TENM2: variants seen among roughly 807,000 people sequenced by gnomAD.
The protein encoded by TENM2 is teneurin transmembrane protein 2, also known as teneurin-2.
In TENM2, 52 loss-of-function variants were observed where a neutral mutation model predicts 245.2. The observed-to-expected ratio is 0.21, with a 90% CI of 0.17 to 0.27. The LOEUF (loss-of-function observed/expected upper bound fraction) is 0.27. Ranked by LOEUF, TENM2 falls within the 10% of genes least tolerant of loss-of-function variation. TENM2 has a pLI of 1.00. For synonymous variants in TENM2, 1,363 were observed against 1,438.9 expected (o/e 0.95, Z 1.19); for missense variants, 3,046 against 3,666.8 (o/e 0.83, Z 4.37).
At chr5:167,634,326 T>C (rs1477638573) in intron 2 of TENM2, among the ~76,000 whole-genome samples, 1 of 152,200 alleles carries the variant, frequency 6.6e-6, no homozygotes, top group Non-Finnish European at 1.5e-5. Flanking sequence ...ATTGTAAAAT[T>C]CCATAAGGTT....
At chr5:167,714,892 CT>C (rs1417619476) in intron 2 of TENM2, among the ~76,000 whole-genome samples, 2 of 152,170 alleles carry the variant, frequency 1.3e-5, no homozygotes, top group Non-Finnish European at 2.9e-5. Context: ...GAGGAAATGG[CT>C]TCCAAATGTT....
intron 9 of TENM2, among the ~76,000 whole-genome samples, chr5:168,100,974 T>G (rs1194195151): frequency 6.6e-6 from 1 of 150,810 alleles, no homozygotes; most frequent in East Asian, 1.9e-4. Context: ...CTCAGGGCTC[T>G]GTGTCAGGCC....
chr5:167,228,398 A>G, the TENM2 span, among the ~76,000 whole-genome samples: 5 of 151,680 alleles, frequency 3.3e-5, no homozygotes, highest in Non-Finnish European at 7.4e-5. Context: ...ATTTCATTGA[A>G]TAAGTTCTTC....
In TENM2 at chr5:168,036,412, G is replaced by A. The variant is rs558552132; in HGVS notation, c.1187-11015G>A. Among the ~76,000 whole-genome samples, 19 of 151,970 alleles carry A rather than the reference G, an allele frequency of 1.3e-4. No homozygotes were observed. In the East Asian group the frequency reaches 1.6e-3, roughly 12 times the overall value. ...AGCACTTTGGGAGGCCGAGGCAGGC[G>A]GATCACCTGAGGTCAGGAGTTTGAG... is the stretch of plus-strand genomic sequence containing the variant. On this transcript the variant is annotated intron_variant, in intron 5 of 28. Transcript: ENST00000518659.
chr5:167,747,794 T>G (rs4479863), intron 2 of TENM2, among the ~76,000 whole-genome samples: 106,122 of 151,996 alleles, frequency 0.7, 37,484 homozygotes, highest in Non-Finnish European at 0.76. Context: ...GGTAATCTTA[T>G]TTCTGACATT....
chr5:167,536,819 A>G (rs1771881464), intron 2 of TENM2, among the ~76,000 whole-genome samples: 2 of 152,104 alleles, frequency 1.3e-5, no homozygotes, highest in African/African-American at 4.8e-5. Flanking sequence ...GGAGTTTGAG[A>G]CCAGCCTGGC....
chr5:167,162,248 A>C, the TENM2 span, among the ~76,000 whole-genome samples: 5 of 151,994 alleles, frequency 3.3e-5, no homozygotes, highest in African/African-American at 1.2e-4. Context: ...GTGATCACTG[A>C]TGGGTTATAG....
At chr5:168,198,387 G>A (rs1321207565) in intron 15 of TENM2, among the ~76,000 whole-genome samples, 1 of 151,722 alleles carries the variant, frequency 6.6e-6, no homozygotes, top group African/African-American at 2.4e-5. Context: ...GCAGAGACAG[G>A]GTTTCACCAT....
At chr5:167,717,468 G>C (rs545545566) in intron 2 of TENM2, among the ~76,000 whole-genome samples, 1 of 152,102 alleles carries the variant, frequency 6.6e-6, no homozygotes, top group South Asian at 2.1e-4. Context: ...TGAAAGATTC[G>C]ATGGACATAG....
intron 12 of TENM2, among the ~76,000 whole-genome samples, chr5:168,158,837 A>ATG (rs1757456694): frequency 1.2e-5 from 1 of 84,230 alleles, no homozygotes; most frequent in Non-Finnish European, 2.5e-5. Context: ...GTGTATATAT[A>ATG]TATATATATA....
the TENM2 span, among the ~76,000 whole-genome samples, chr5:167,078,687 G>T: frequency 6.6e-6 from 1 of 152,114 alleles, no homozygotes; most frequent in East Asian, 1.9e-4. Context: ...ATAGAGTTAG[G>T]AAATGGCAAG....
intron 14 of TENM2, 151 bp from the exon 17 acceptor site, chr5:168,195,025 T>C (rs1232426918): frequency 1.1e-6 from 1 of 918,814 alleles, no homozygotes; most frequent in African/African-American, 1.7e-5. Flanking sequence ...CCCCAAAATG[T>C]CACTAGCGTG....
chr5:167,140,902 T>C, the TENM2 span, among the ~76,000 whole-genome samples: 1 of 152,300 alleles, frequency 6.6e-6, no homozygotes, highest in South Asian at 2.1e-4. Context: ...GCAATCTCTA[T>C]ACTACCATTA....
the TENM2 span, among the ~76,000 whole-genome samples, chr5:167,128,509 A>G: frequency 1.3e-5 from 2 of 151,828 alleles, no homozygotes; most frequent in African/African-American, 4.8e-5. Context: ...CTGCTGGCCC[A>G]CAGATCTCAC....
chr5:167,892,442 C>G (rs73803264), intron 3 of TENM2, among the ~76,000 whole-genome samples: 4,837 of 152,262 alleles, frequency 0.032, 263 homozygotes, highest in African/African-American at 0.11. Context: ...TGGTTTTCCT[C>G]TCTTGGGTGG....
chr5:168,031,556 T>C (rs894442642), intron 5 of TENM2, among the ~76,000 whole-genome samples: 31 of 152,064 alleles, frequency 2.0e-4, no homozygotes, highest in African/African-American at 6.8e-4. Flanking sequence ...GTAGGAAGTT[T>C]TATGATTCCC....
intron 2 of TENM2, among the ~76,000 whole-genome samples, chr5:167,695,544 C>G (rs1043038137): frequency 6.6e-6 from 1 of 152,040 alleles, no homozygotes. Context: ...TAATGCCTCT[C>G]TAAAACATAT....
the TENM2 span, among the ~76,000 whole-genome samples, chr5:166,986,818 T>C: frequency 6.6e-6 from 1 of 152,218 alleles, no homozygotes; most frequent in East Asian, 1.9e-4. Flanking sequence ...TAGATTATCC[T>C]TTTGTCACCA....
At chr5:167,418,920 C>T (rs1414013243) in intron 2 of TENM2, among the ~76,000 whole-genome samples, 1 of 151,778 alleles carries the variant, frequency 6.6e-6, no homozygotes, top group Non-Finnish European at 1.5e-5. Context: ...GTGCCTGTGT[C>T]GCTTAAAAAA....
Sources: allele counts gnomAD v4.1 joint callset (sites outside exome capture counted in the v4.1 genomes callset), GRCh38; gene constraint gnomAD v4.1.1; transcripts MANE v1.5; gene names NCBI Gene and HGNC (gene_info 2026-07-23, HGNC 2026-07-21).